Variants in ERBB4 observed in about 807,000 individuals in gnomAD.
The protein encoded by ERBB4 is receptor tyrosine-protein kinase erbB-4.
In ERBB4, 42 loss-of-function variants were observed where a neutral mutation model predicts 158.0. The ratio of observed to expected loss-of-function variants is 0.27; its 90% CI spans 0.21 to 0.34. The LOEUF is 0.34. Among genes scored for constraint, ERBB4 ranks in the 10% least tolerant of loss-of-function variants. ERBB4 has a pLI of 1.00. For synonymous variants in ERBB4, 583 were observed against 558.7 expected (o/e 1.04, Z -0.61); for missense variants, 1,333 against 1,624.1 (o/e 0.82, Z 3.08).
chr2:211,990,997 A>G (rs910278638), intron 2 of ERBB4, among the ~76,000 whole-genome samples: 1 of 151,964 alleles, frequency 6.6e-6, no homozygotes, highest in African/African-American at 2.4e-5. Flanking sequence ...TAATTTTTAA[A>G]TAGTTTTAAA....
chr2:212,219,258 T>A (rs1050545349), intron 1 of ERBB4, among the ~76,000 whole-genome samples: 1 of 151,380 alleles, frequency 6.6e-6, no homozygotes, highest in South Asian at 2.1e-4. Context: ...CATTATTGCA[T>A]TTCTGAAAAG....
intron 20 of ERBB4, among the ~76,000 whole-genome samples, chr2:211,506,744 T>C (rs1281358502): frequency 3.3e-5 from 5 of 152,036 alleles, no homozygotes; most frequent in Non-Finnish European, 7.4e-5. Context: ...TTCTGAGATG[T>C]AGCAAAAGTA....
intron 1 of ERBB4, among the ~76,000 whole-genome samples, chr2:212,474,308 G>C (rs1229946224): frequency 2.6e-5 from 4 of 151,920 alleles, no homozygotes; most frequent in Non-Finnish European, 1.5e-5. Flanking sequence ...TAATATAGGA[G>C]GCATAAACGA....
chr2:212,304,204 G>C (rs1255955288), intron 1 of ERBB4, among the ~76,000 whole-genome samples: 1 of 151,472 alleles, frequency 6.6e-6, no homozygotes, highest in Non-Finnish European at 1.5e-5. Flanking sequence ...AAATATTTCT[G>C]TACAACCGGT....
chr2:211,992,767 C>G (rs2082110532), intron 2 of ERBB4, among the ~76,000 whole-genome samples: 1 of 152,152 alleles, frequency 6.6e-6, no homozygotes, highest in East Asian at 1.9e-4. Flanking sequence ...GAGTTTCCCT[C>G]ACCCCATGCC....
intron 25 of ERBB4, among the ~76,000 whole-genome samples, chr2:211,410,618 A>G (rs1234014373): frequency 1.4e-4 from 21 of 152,338 alleles, no homozygotes; most frequent in African/African-American, 4.6e-4. Context: ...GGCATTATAC[A>G]AAGTTCAAAT....
Position 211,804,891 on chromosome 2 carries a change from T to C in ERBB4, c.422-16732A>G, listed in dbSNP as rs145943048. Reference sequence around the variant, plus strand: ...TAACAGTGAGTGTTCTTTCTACTTCTGAGCAGAGGTTACAGCTCTTTCAAA... The same window carrying C: ...TAACAGTGAGTGTTCTTTCTACTTCCGAGCAGAGGTTACAGCTCTTTCAAA... On this transcript the variant is annotated intron_variant, in intron 3 of 27. Transcript: ENST00000342788. 7.9e-5 allele frequency among the ~76,000 whole-genome samples: 12 copies of C among 151,944 alleles called. No individual in the cohort carries two copies. In the East Asian group the frequency reaches 1.8e-3, roughly 22 times the overall value.
chr2:212,305,983 T>C (rs1221985816), intron 1 of ERBB4, among the ~76,000 whole-genome samples: 1 of 151,468 alleles, frequency 6.6e-6, no homozygotes, highest in Non-Finnish European at 1.5e-5. Flanking sequence ...TATAAGTAAA[T>C]CTGCTAAACA....
intron 3 of ERBB4, among the ~76,000 whole-genome samples, chr2:211,847,158 C>T (rs1343987731): frequency 3.3e-5 from 5 of 152,198 alleles, no homozygotes; most frequent in Non-Finnish European, 5.9e-5. Flanking sequence ...TAGTAAGTGG[C>T]CCAATTATGC....
At chr2:212,329,355 T>C (rs1287492116) in intron 1 of ERBB4, among the ~76,000 whole-genome samples, 1 of 152,096 alleles carries the variant, frequency 6.6e-6, no homozygotes, top group East Asian at 1.9e-4. Flanking sequence ...CTTTTTTAGC[T>C]TTTACACACA....
chr2:212,055,414 A>C (rs934051396), intron 2 of ERBB4, among the ~76,000 whole-genome samples: 46 of 152,226 alleles, frequency 3.0e-4, no homozygotes, highest in Admixed American at 2.9e-3. Flanking sequence ...CCTGTCTGAC[A>C]GCTTTGAAGA....
At chr2:212,181,672 T>A (rs562794860) in intron 1 of ERBB4, among the ~76,000 whole-genome samples, 1 of 151,868 alleles carries the variant, frequency 6.6e-6, no homozygotes, top group African/African-American at 2.4e-5. Context: ...TAAGTCACAA[T>A]TAATAAAAAT....
chr2:211,860,033 G>T (rs55811259), intron 3 of ERBB4, among the ~76,000 whole-genome samples: 32,286 of 152,006 alleles, frequency 0.21, 3,581 homozygotes, highest in South Asian at 0.33. Context: ...AAACATAAAT[G>T]GTGGTTATTA....
At chr2:211,866,952 G>T (rs1189032706) in intron 3 of ERBB4, among the ~76,000 whole-genome samples, 4 of 140,708 alleles carry the variant, frequency 2.8e-5, no homozygotes, top group Middle Eastern at 4.5e-3. Context: ...CTGTATGGGG[G>T]AGCTTCTTCC....
chr2:211,396,117 C>T (rs62181581), intron 25 of ERBB4, among the ~76,000 whole-genome samples: 133 of 151,812 alleles, frequency 8.8e-4, no homozygotes, highest in Non-Finnish European at 1.5e-3. Context: ...GTACTATCAG[C>T]GAAGACTTAA....
At chr2:211,974,939 A>C (rs79398414) in intron 2 of ERBB4, among the ~76,000 whole-genome samples, 2 of 152,140 alleles carry the variant, frequency 1.3e-5, no homozygotes, top group Admixed American at 1.3e-4. Context: ...TTTTTAAAAA[A>C]TATTCTTCAT....
At chr2:211,945,288 T>C (rs980365285) in intron 3 of ERBB4, among the ~76,000 whole-genome samples, 1 of 152,122 alleles carries the variant, frequency 6.6e-6, no homozygotes, top group African/African-American at 2.4e-5. Context: ...TTCTGATTCT[T>C]ACAATTGGAG....
At chr2:212,509,196 G>GGATA (rs1560512900) in intron 1 of ERBB4, among the ~76,000 whole-genome samples, 1 of 152,044 alleles carries the variant, frequency 6.6e-6, no homozygotes, top group Non-Finnish European at 1.5e-5. Flanking sequence ...TACTATTCAT[G>GGATA]GATAAGGCCA....
chr2:211,929,381 T>A (rs766668380), intron 3 of ERBB4, among the ~76,000 whole-genome samples: 2 of 151,936 alleles, frequency 1.3e-5, no homozygotes, highest in African/African-American at 2.4e-5. Flanking sequence ...TTTTAAAACA[T>A]AAAAAATAAA....
Sources: allele counts gnomAD v4.1 joint callset (sites outside exome capture counted in the v4.1 genomes callset), GRCh38; gene constraint gnomAD v4.1.1; transcripts MANE v1.5; gene names NCBI Gene and HGNC (gene_info 2026-07-23, HGNC 2026-07-21).